CDH12: variants seen among roughly 807,000 people sequenced by gnomAD.
CDH12 encodes cadherin 12.
CDH12 carries 41 observed loss-of-function variants against 74.1 expected under a neutral mutation model. That is an observed-to-expected ratio of 0.55 (90% CI 0.43 to 0.72). CDH12 has a LOEUF of 0.72. Ranked by LOEUF, CDH12 falls within the 30% of genes least tolerant of loss-of-function variation. The pLI is 0.00. For missense variants in CDH12, 945 were observed against 977.2 expected, an observed-to-expected ratio of 0.97 and a Z score of 0.44; for synonymous variants, 399 against 355.0, an observed-to-expected ratio of 1.12 and a Z score of -1.39.
At chr5:21,776,127 G>C (rs1440374604) in intron 11 of CDH12, among the ~76,000 whole-genome samples, 1 of 152,120 alleles carries the variant, frequency 6.6e-6, no homozygotes, top group East Asian at 1.9e-4. Context: ...TTTTGATCAT[G>C]CCAGCTGCCA....
intron 3 of CDH12, among the ~76,000 whole-genome samples, chr5:22,219,318 C>G (rs2150367797): frequency 6.6e-6 from 1 of 151,690 alleles, no homozygotes; most frequent in African/African-American, 2.4e-5. Context: ...GGATCTTCCT[C>G]TTATTATTTA....
chr5:21,751,710 G>T lies in CDH12; in HGVS notation c.*27C>A. The stretch of plus-strand genomic sequence containing the variant: ...TTCTTTTTTAAAAATCTCCCCTCTC[G>T]GTTGTATTTTAGCCTCCACGACTCC... On this transcript the variant is annotated 3_prime_UTR_variant, in exon 15 of 15. Coordinates refer to ENST00000382254, the MANE Select transcript of CDH12 (RefSeq NM_004061.5). The T allele has an allele frequency of 1.3e-6, 2 of 1,562,388 alleles. No individual in the cohort carries two copies. Among genetic ancestry groups the T allele is most frequent in the South Asian group, 1.2e-5 (1 of 84,136 alleles).
intron 3 of CDH12, among the ~76,000 whole-genome samples, chr5:22,283,235 TATATATATATATATATAC>T (rs1736983808): frequency 1.3e-5 from 1 of 75,760 alleles, no homozygotes; most frequent in African/African-American, 5.9e-5. Flanking sequence ...TATATATATA[TATATATATATATATATAC>T]ACACACACAC....
chr5:22,078,696 G>A lies in CDH12; in HGVS notation c.-20C>T, dbSNP rs377174099. 17 of 1,610,626 alleles carry A rather than the reference G, an allele frequency of 1.1e-5. No individual in the cohort carries two copies. The highest frequency in any genetic ancestry group is 2.7e-5 in the African/African-American group (2 of 74,714). On this transcript the variant is annotated 5_prime_UTR_variant, in exon 5 of 15. Transcript: ENST00000382254. ...AAGCATTGGCAAAGGCTTTCCTACA[G>A]CAGAGTAATAAAAACTCCAACACTT...
chr5:22,282,983 C>T (rs1482696154), intron 3 of CDH12, among the ~76,000 whole-genome samples: 2 of 151,888 alleles, frequency 1.3e-5, no homozygotes, highest in African/African-American at 4.8e-5. Context: ...AGACTTGGAA[C>T]CAACCCAACT....
chr5:22,221,878 C>T (rs12188011), intron 3 of CDH12, among the ~76,000 whole-genome samples: 14,011 of 151,866 alleles, frequency 0.092, 680 homozygotes, highest in South Asian at 0.15. Context: ...CCTTGATCTG[C>T]CTGTAAAGTG....
At chr5:22,808,605 C>CTTTTTTTTTTTTTT (rs34567315) in intron 1 of CDH12, among the ~76,000 whole-genome samples, 1 of 111,482 alleles carries the variant, frequency 9.0e-6, no homozygotes, top group Non-Finnish European at 1.8e-5. Flanking sequence ...CTTTTCTTGT[C>CTTTTTTTTTTTTTT]TTTTTTTTTT....
intron 3 of CDH12, among the ~76,000 whole-genome samples, chr5:22,368,135 C>T (rs981425203): frequency 2.6e-5 from 4 of 151,902 alleles, no homozygotes; most frequent in African/African-American, 9.7e-5. Context: ...AATATATATT[C>T]ATTATTAATC....
At chr5:22,387,017 T>G (rs1198353830) in intron 3 of CDH12, among the ~76,000 whole-genome samples, 1 of 151,976 alleles carries the variant, frequency 6.6e-6, no homozygotes, top group African/African-American at 2.4e-5. Flanking sequence ...TAGAATCATT[T>G]GTAAAGTAAT....
Position 22,551,296 on chromosome 5 carries a change from C to T in CDH12, c.-522-45932G>A, listed in dbSNP as rs537486731. Among the ~76,000 whole-genome samples the T allele has an allele frequency of 2.0e-5, 3 of 152,216 alleles. No individual in the cohort carries two copies. In the East Asian group the frequency reaches 5.8e-4, roughly 29 times the overall value. On this transcript the variant is annotated intron_variant, in intron 1 of 14. Coordinates refer to ENST00000382254, the MANE Select transcript of CDH12 (RefSeq NM_004061.5). ...CCTCACAAGAATCAATCTTCTGGCA[C>T]CTTGGTCTTAGACTTTGAGTCTCCA...
intron 1 of CDH12, among the ~76,000 whole-genome samples, chr5:22,630,732 G>A (rs1349717523): frequency 6.6e-6 from 1 of 152,096 alleles, no homozygotes; most frequent in African/African-American, 2.4e-5. Flanking sequence ...CCCTGTCAAA[G>A]ATTTCATGAC....
At chr5:22,832,235 T>C (rs1410467498) in intron 1 of CDH12, among the ~76,000 whole-genome samples, 4 of 152,178 alleles carry the variant, frequency 2.6e-5, no homozygotes, top group African/African-American at 7.2e-5. Flanking sequence ...GAAAATGTAG[T>C]TGCTTGGAAG....
intron 1 of CDH12, among the ~76,000 whole-genome samples, chr5:22,762,612 A>G (rs1438503360): frequency 6.6e-6 from 1 of 151,726 alleles, no homozygotes; most frequent in Non-Finnish European, 1.5e-5. Flanking sequence ...TAGCTAAAGG[A>G]TTGGGACTGA....
chr5:22,720,506 T>C (rs117824121), intron 1 of CDH12, among the ~76,000 whole-genome samples: 1 of 151,770 alleles, frequency 6.6e-6, no homozygotes, highest in South Asian at 2.1e-4. Flanking sequence ...CTGCAGAGAG[T>C]GGGGGCACTG....
chr5:22,340,671 G>T (rs1427344399), intron 3 of CDH12, among the ~76,000 whole-genome samples: 1 of 151,854 alleles, frequency 6.6e-6, no homozygotes, highest in African/African-American at 2.4e-5. Flanking sequence ...ACCATTACAA[G>T]CTGTTTTGAG....
chr5:22,054,137 A>T (rs1184082479), intron 5 of CDH12, among the ~76,000 whole-genome samples: 1 of 151,878 alleles, frequency 6.6e-6, no homozygotes, highest in South Asian at 2.1e-4. Flanking sequence ...ACTTCTCTGT[A>T]TTTGATTTTT....
At chr5:21,977,439 G>A (rs1757116897) in intron 5 of CDH12, among the ~76,000 whole-genome samples, 1 of 152,004 alleles carries the variant, frequency 6.6e-6, no homozygotes, top group African/African-American at 2.4e-5. Flanking sequence ...TATGAGACAG[G>A]CAAAAGCTCA....
chr5:22,008,087 T>C (rs1485844776), intron 5 of CDH12, among the ~76,000 whole-genome samples: 2 of 151,822 alleles, frequency 1.3e-5, no homozygotes. Context: ...CTCGCTGCTG[T>C]TATTTTTGTA....
At chr5:22,087,998 C>A (rs1743180487) in intron 4 of CDH12, among the ~76,000 whole-genome samples, 2 of 152,168 alleles carry the variant, frequency 1.3e-5, no homozygotes, top group South Asian at 4.1e-4. Flanking sequence ...CTCTATCATA[C>A]CCCTGTGTGA....
Sources: allele counts gnomAD v4.1 joint callset (sites outside exome capture counted in the v4.1 genomes callset), GRCh38; gene constraint gnomAD v4.1.1; transcripts MANE v1.5; gene names NCBI Gene and HGNC (gene_info 2026-07-23, HGNC 2026-07-21).